MAGI1: variants seen among roughly 807,000 people sequenced by gnomAD.
The protein encoded by MAGI1 is membrane-associated guanylate kinase, WW and PDZ domain-containing protein 1.
In MAGI1, 58 loss-of-function variants were observed where a neutral mutation model predicts 139.9. The ratio of observed to expected loss-of-function variants is 0.41; its 90% CI spans 0.34 to 0.52. The LOEUF (loss-of-function observed/expected upper bound fraction) is 0.52, where lower values mean the gene tolerates loss of function less well. MAGI1 is among the 20% of genes least tolerant of loss of function. The pLI is 0.12. For missense variants in MAGI1, 1,874 were observed against 1,901.6 expected, an observed-to-expected ratio of 0.99 and a Z score of 0.27; for synonymous variants, 812 against 737.9, an observed-to-expected ratio of 1.10 and a Z score of -1.63.
chr3:65,639,066 T>C (rs893274766), intron 1 of MAGI1, among the ~76,000 whole-genome samples: 2 of 152,204 alleles, frequency 1.3e-5, no homozygotes, highest in African/African-American at 4.8e-5. Context: ...TTCATTTGCA[T>C]TGCCCTGATG....
intron 1 of MAGI1, among the ~76,000 whole-genome samples, chr3:66,033,079 A>G (rs1046776926): frequency 2.7e-5 from 4 of 150,754 alleles, no homozygotes; most frequent in Non-Finnish European, 4.4e-5. Context: ...CCCAGGCTGG[A>G]GTGCAGTGGT....
rs1559554861 is a variant in MAGI1, at chr3:65,439,885, T to TCGTCTG, written c.1263_1264insCAGACG (p.Gln421_Thr422insGlnThr). ...CTAGAGGAAAGAGGCCAACCTTCTG[T>TCGTCTG]CTGCTGCTGCTGCTGCTGCTGCTGC... On this transcript the variant is annotated inframe_insertion, in exon 9 of 23. Transcript: ENST00000402939. 22 of 1,584,898 alleles carry TCGTCTG rather than the reference T, an allele frequency of 1.4e-5. No homozygotes were observed. In the Admixed American group the frequency reaches 1.9e-4, roughly 13 times the overall value.
chr3:65,691,709 C>T (rs1377848926), intron 1 of MAGI1, among the ~76,000 whole-genome samples: 1 of 152,138 alleles, frequency 6.6e-6, no homozygotes, highest in Non-Finnish European at 1.5e-5. Flanking sequence ...AATCTCACTA[C>T]CTCAGCGTGA....
intron 1 of MAGI1, among the ~76,000 whole-genome samples, chr3:65,978,428 G>C (rs9855063): frequency 0.015 from 2,336 of 152,086 alleles, 59 homozygotes; most frequent in African/African-American, 0.053. Context: ...CAGGAGCCTA[G>C]AATGCTTGGA....
At chr3:65,781,104 G>A (rs917521534) in intron 1 of MAGI1, among the ~76,000 whole-genome samples, 5 of 152,050 alleles carry the variant, frequency 3.3e-5, no homozygotes, top group Non-Finnish European at 5.9e-5. Context: ...GCTGAGGCAG[G>A]AGAATTGCTG....
intron 1 of MAGI1, among the ~76,000 whole-genome samples, chr3:65,705,603 A>C (rs1052264594): frequency 6.6e-6 from 1 of 152,256 alleles, no homozygotes; most frequent in African/African-American, 2.4e-5. Context: ...TCAATTGCAG[A>C]AACCCTAATT....
At chr3:65,399,622 G>C (rs765312656) in intron 13 of MAGI1, among the ~76,000 whole-genome samples, 6 of 152,124 alleles carry the variant, frequency 3.9e-5, no homozygotes, top group Non-Finnish European at 7.4e-5. Context: ...GCAGACTATG[G>C]GTAAAGCAGT....
intron 1 of MAGI1, among the ~76,000 whole-genome samples, chr3:65,631,329 G>T (rs1004790579): frequency 1.3e-5 from 2 of 152,126 alleles, no homozygotes; most frequent in Non-Finnish European, 2.9e-5. Flanking sequence ...AGGATGTGTA[G>T]GATCATGCCA....
intron 1 of MAGI1, among the ~76,000 whole-genome samples, chr3:65,906,857 G>C (rs1268111748): frequency 2.0e-5 from 3 of 149,270 alleles, no homozygotes; most frequent in East Asian, 3.9e-4. Context: ...TTGCACTACA[G>C]CCTGGGCAAC....
intron 1 of MAGI1, among the ~76,000 whole-genome samples, chr3:65,775,511 A>G (rs1240688160): frequency 4.0e-5 from 6 of 149,846 alleles, no homozygotes; most frequent in Non-Finnish European, 5.9e-5. Flanking sequence ...CCAAAAAAAA[A>G]AAAAAAAAAA....
At chr3:65,395,083 G>A (rs1387314322) in intron 13 of MAGI1, among the ~76,000 whole-genome samples, 3 of 152,058 alleles carry the variant, frequency 2.0e-5, no homozygotes, top group Non-Finnish European at 4.4e-5. Flanking sequence ...TCCTAAGTGT[G>A]CTGCCCTACC....
chr3:65,811,821 A>G (rs1195011660), intron 1 of MAGI1, among the ~76,000 whole-genome samples: 2 of 152,132 alleles, frequency 1.3e-5, no homozygotes, highest in African/African-American at 4.8e-5. Context: ...TATTATAAAG[A>G]ATCCCCCCTT....
chr3:65,389,449 T>C (rs1289708575), intron 14 of MAGI1, among the ~76,000 whole-genome samples: 3 of 152,128 alleles, frequency 2.0e-5, no homozygotes, highest in Non-Finnish European at 4.4e-5. Context: ...AAATGTGTAC[T>C]GTATTGAGGA....
intron 1 of MAGI1, among the ~76,000 whole-genome samples, chr3:65,650,245 A>G (rs1014931907): frequency 6.6e-6 from 1 of 152,192 alleles, no homozygotes; most frequent in South Asian, 2.1e-4. Context: ...TATGATAAAT[A>G]AAATTCTTGT....
chr3:65,836,048 G>T (rs1310602070), intron 1 of MAGI1, among the ~76,000 whole-genome samples: 1 of 152,190 alleles, frequency 6.6e-6, no homozygotes, highest in African/African-American at 2.4e-5. Context: ...AAGTTTGGTG[G>T]CTTGTGGCAT....
intron 1 of MAGI1, among the ~76,000 whole-genome samples, chr3:65,977,943 T>C (rs753466526): frequency 5.3e-5 from 8 of 152,328 alleles, no homozygotes; most frequent in South Asian, 4.1e-4. Flanking sequence ...ATCCAGGTCC[T>C]GTCTCAAGTT....
intron 1 of MAGI1, among the ~76,000 whole-genome samples, chr3:65,943,393 G>A (rs554486083): frequency 3.9e-5 from 6 of 152,152 alleles, no homozygotes; most frequent in East Asian, 1.9e-4. Context: ...GGCCAACATC[G>A]TGAAACCCTG....
chr3:65,660,239 A>C (rs926881524), intron 1 of MAGI1, among the ~76,000 whole-genome samples: 1 of 152,188 alleles, frequency 6.6e-6, no homozygotes, highest in Non-Finnish European at 1.5e-5. Flanking sequence ...TGAGTGTCTC[A>C]TGTCATGCAC....
At chr3:65,377,018 T>C (rs1296860717) in intron 17 of MAGI1, among the ~76,000 whole-genome samples, 1 of 152,212 alleles carries the variant, frequency 6.6e-6, no homozygotes, top group Non-Finnish European at 1.5e-5. Flanking sequence ...AGAATTTGTC[T>C]TTCTGGGGAC....
Sources: gnomAD v4.1 joint callset for allele counts (sites outside exome capture counted in the v4.1 genomes callset) on GRCh38, gnomAD v4.1.1 for gene constraint, MANE v1.5 for transcripts, NCBI Gene and HGNC (gene_info 2026-07-23, HGNC 2026-07-21) for gene names.